The following DNAH17 variants were observed in gnomAD, a reference collection of about 807,000 sequenced individuals.
DNAH17 encodes dynein axonemal heavy chain 17.
In DNAH17, 376 loss-of-function variants were observed where a neutral mutation model predicts 485.6. The ratio of observed to expected loss-of-function variants is 0.77; its 90% confidence interval spans 0.71 to 0.84. DNAH17 has a LOEUF of 0.84. Among genes scored for constraint, DNAH17 ranks in the 40% least tolerant of loss-of-function variants. The pLI, the probability that DNAH17 is intolerant of heterozygous loss-of-function variation, is 0.00. For synonymous variants in DNAH17, 3,031 were observed against 2,405.9 expected (o/e 1.26, Z -7.60); for missense variants, 6,370 against 5,839.3 (o/e 1.09, Z -2.96).
intron 63 of DNAH17, among the ~76,000 whole-genome samples, chr17:78,455,356 C>T (rs1324307339): frequency 2.0e-5 from 3 of 151,536 alleles, no homozygotes; most frequent in East Asian, 1.9e-4. Flanking sequence ...GATGGGGTCT[C>T]GCTGTGTCGT....
chr17:78,428,909 C>A (rs1347719333), intron 76 of DNAH17, among the ~76,000 whole-genome samples: 1 of 128,332 alleles, frequency 7.8e-6, no homozygotes, highest in African/African-American at 3.0e-5. Flanking sequence ...TTCCCTGAGG[C>A]TGCATTTCTT....
At chr17:78,472,639 G>C (rs747050281) in intron 54 of DNAH17, 5 of 439,474 alleles carry the variant, frequency 1.1e-5, no homozygotes, top group South Asian at 6.4e-5. Context: ...TGTGGGGTGT[G>C]GGGAGGGGAG....
In DNAH17 at chr17:78,485,017, C is replaced by T. The variant is rs752433570; in HGVS notation, c.7500G>A (p.Pro2500=). The change falls in exon 48 of 81, where the codon CCG becomes CCA. Residue 2500 remains proline, a synonymous_variant. Transcript: ENST00000389840. ...SAMLQGVLEK[P]LEKKSGRNYG... ...AGTTCCTCCCCGATTTCTTCTCCAG[C>T]GGCTTCTCCAGCACCCCTAGAGAGG... is the stretch of plus-strand genomic sequence containing the variant. 3 of 1,610,788 alleles carry T rather than the reference C, an allele frequency of 1.9e-6. No homozygotes were observed. The highest frequency in any genetic ancestry group is 2.5e-6 in the Non-Finnish European group (3 of 1,178,332).
rs200916759 is a variant in DNAH17 at position 78,475,726 on chromosome 17, G to C, written c.8262C>G (p.Asn2754Lys). 791 of 1,613,876 alleles carry C rather than the reference G, an allele frequency of 4.9e-4. 9 individuals are homozygous for C. The highest frequency in any genetic ancestry group is 4.4e-3 in the South Asian group (398 of 91,068). ...TGTCCAGGACGTCCACGAGGAGCTT[G>C]TTCAGAGGAGCCATGTCGGTTACAG... ...YVPVTDMAPL[N>K]KLLVDVLDSY... Residue 2754 changes from asparagine to lysine, a missense_variant, in exon 53 of 81, where the codon AAC (asparagine) becomes AAG (lysine). Asn to Lys is a moderately conservative substitution (Grantham distance 94). Coordinates refer to ENST00000389840, the MANE Select transcript of DNAH17 (RefSeq NM_173628.4).
At position 78,448,777 on chromosome 17, in the gene DNAH17, G is replaced by A. The variant is rs531702964; in HGVS notation, c.11211+637C>T. Among the ~76,000 whole-genome samples, 7 of 152,278 alleles carry A rather than the reference G, an allele frequency of 4.6e-5. No homozygotes were observed. In the South Asian group the frequency reaches 1.2e-3, roughly 27 times the overall value. On this transcript the variant is annotated intron_variant, in intron 69 of 80. Transcript: ENST00000389840. ...GTTTGTTACACAAGGAGTTTGGCCC[G>A]TTTTGTGCTCTCTCTCGCCCTCTAG...
rs372509281 is a variant in DNAH17, at chr17:78,560,890, G to C, written c.1881C>G (p.Asp627Glu). Reference sequence around the variant, plus strand: ...GGCACCTCAGCAGCTCCATCATCTCGTCATACTTCTGATAGGTCAGCTTGG... The same window carrying C: ...GGCACCTCAGCAGCTCCATCATCTCCTCATACTTCTGATAGGTCAGCTTGG... ...AEAKLTYQKY[D>E]EMMELLRCHR... Residue 627 changes from aspartate to glutamate, a missense_variant, in exon 13 of 81, where the codon GAC becomes GAG. Coordinates refer to ENST00000389840, the MANE Select transcript of DNAH17 (RefSeq NM_173628.4). 2 of 1,551,442 alleles carry C rather than the reference G, an allele frequency of 1.3e-6. No homozygotes were observed. Among genetic ancestry groups the C allele is most frequent in the East Asian group, 2.4e-5 (1 of 40,906 alleles).
chr17:78,487,984 T>C (rs1240159282), intron 44 of DNAH17, among the ~76,000 whole-genome samples: 2 of 152,166 alleles, frequency 1.3e-5, no homozygotes, highest in African/African-American at 4.8e-5. Flanking sequence ...CGAATCAGGG[T>C]GTCTCCATGC....
intron 54 of DNAH17, chr17:78,472,708 C>T: frequency 2.2e-6 from 1 of 455,218 alleles, no homozygotes; most frequent in Non-Finnish European, 4.4e-6. Context: ...CGAGGTCACG[C>T]ACGCTGTCTC....
intron 69 of DNAH17, among the ~76,000 whole-genome samples, chr17:78,447,511 C>T (rs2087360279): frequency 6.6e-6 from 1 of 152,232 alleles, no homozygotes; most frequent in South Asian, 2.1e-4. Flanking sequence ...CCACTGCCAT[C>T]TCCTCAGTCA....
chr17:78,439,091 T>C lies in DNAH17; in HGVS notation c.11804A>G (p.Gln3935Arg). The C allele has an allele frequency of 6.2e-7, 1 of 1,613,114 alleles. No homozygotes were observed. The highest frequency in any genetic ancestry group is 8.5e-7 in the Non-Finnish European group (1 of 1,179,682). Residue 3935 changes from glutamine (Q) to arginine (R), a missense_variant and splice_region_variant, in exon 73 of 81, where the codon CAG becomes CGG. Physicochemically the swap from Gln to Arg is conservative, Grantham distance 43. Coordinates refer to ENST00000389840, the MANE Select transcript of DNAH17 (RefSeq NM_173628.4). Reference sequence around the variant, plus strand: ...CCTGCAGTGCTGGCCCCCTCGTACCTGCAGAATGACCCAGTGTCCTTTCTC... The same window carrying C: ...CCTGCAGTGCTGGCCCCCTCGTACCCGCAGAATGACCCAGTGTCCTTTCTC... ...AAEKGHWVILQNIHLVARWLG... is the reference protein window; with the variant it reads ...AAEKGHWVILRNIHLVARWLG...
At position 78,491,514 on chromosome 17, in the gene DNAH17, AC is replaced by A; in HGVS notation, c.6597del (p.Lys2199AsnfsTer9). On this transcript the variant is annotated frameshift_variant, in exon 43 of 81. Transcript: ENST00000389840. LOFTEE classifies it high-confidence loss of function. ...DLANITHDGP[K>X]WIILDGDIDP... is the part of the protein sequence containing the mutation. Reference sequence around the variant, plus strand: ...TCTATGTCTCCGTCAAGGATGATCCACTTGGGGCCGTCATGGGTGATGTTGG... The same window carrying A: ...TCTATGTCTCCGTCAAGGATGATCCATTGGGGCCGTCATGGGTGATGTTGG... The A allele has an allele frequency of 6.2e-7, 1 of 1,613,926 alleles. No individual in the cohort carries two copies. Among genetic ancestry groups the A allele is most frequent in the Non-Finnish European group, 8.5e-7 (1 of 1,179,946 alleles).
intron 31 of DNAH17, among the ~76,000 whole-genome samples, chr17:78,504,382 T>C (rs1333421792): frequency 1.3e-5 from 2 of 152,002 alleles, no homozygotes; most frequent in Admixed American, 6.6e-5. Context: ...TCCTTTTAAC[T>C]GGAAACACAG....
At chr17:78,458,767 C>T (rs570630784) in intron 61 of DNAH17, 87 bp from the exon 62 acceptor site, 39 of 1,288,392 alleles carry the variant, frequency 3.0e-5, no homozygotes, top group Admixed American at 3.0e-4. Context: ...GCCCTGTGAG[C>T]GCTGAGCGTG....
In DNAH17 at chr17:78,467,010, T is replaced by C. The variant is rs139658447; in HGVS notation, c.8779-194A>G. Among the ~76,000 whole-genome samples, 1,150 of 152,328 alleles carry C rather than the reference T, an allele frequency of 7.5e-3. 22 individuals are homozygous for C. The highest frequency in any genetic ancestry group is 0.025 in the African/African-American group (1,041 of 41,572). On this transcript the variant is annotated intron_variant, in intron 55 of 80. Coordinates refer to ENST00000389840, the MANE Select transcript of DNAH17 (RefSeq NM_173628.4). ...TGCCGTGGATAAATGCTCATCTGGC[T>C]TCATGCCTCTCGCTAGCAGTCCCAA...
chr17:78,432,715 C>T (rs2086718644), intron 75 of DNAH17, among the ~76,000 whole-genome samples: 1 of 152,176 alleles, frequency 6.6e-6, no homozygotes, highest in African/African-American at 2.4e-5. Flanking sequence ...CTTAGTGGCC[C>T]AGGTCTTGAG....
intron 10 of DNAH17, 98 bp downstream of exon 10, chr17:78,566,901 C>G: frequency 2.1e-6 from 3 of 1,434,228 alleles, no homozygotes; most frequent in Non-Finnish European, 2.8e-6. Flanking sequence ...CTGGCACCTG[C>G]TTCCTCCGTG....
intron 61 of DNAH17, 42 bp downstream of exon 61, chr17:78,458,959 G>T (rs111699326): frequency 6.3e-7 from 1 of 1,599,624 alleles, no homozygotes; most frequent in African/African-American, 1.3e-5. Flanking sequence ...GCGAGCAAGC[G>T]GCTCTGGTGT....
At chr17:78,425,232 G>T in intron 80 of DNAH17, 114 bp downstream of exon 80, 1 of 1,059,830 alleles carries the variant, frequency 9.4e-7, no homozygotes, top group Non-Finnish European at 1.4e-6. Flanking sequence ...CCTCTCTCCT[G>T]CCTGTCCCCA....
chr17:78,490,712 G>A lies in DNAH17; in HGVS notation c.6805C>T (p.Leu2269=), dbSNP rs769089123. ...AGCCCCACTCACGGGTTCCATCCCA[G>A]GTCGGCTGGGTTGATGTAGAGGATG... The part of the protein sequence containing the change: ...AGILYINPAD[L]GWNPVVSSWI... The change falls in exon 44 of 81, where the codon CTG becomes TTG. Residue 2269 remains leucine, a synonymous_variant. Coordinates refer to ENST00000389840, the MANE Select transcript of DNAH17 (RefSeq NM_173628.4). The A allele has an allele frequency of 3.7e-6, 6 of 1,607,750 alleles. No individual in the cohort carries two copies. The highest frequency in any genetic ancestry group is 4.2e-6 in the Non-Finnish European group (5 of 1,176,984).
Sources: allele counts gnomAD v4.1 joint callset (sites outside exome capture counted in the v4.1 genomes callset), GRCh38; gene constraint gnomAD v4.1.1; transcripts MANE v1.5; gene names NCBI Gene and HGNC (gene_info 2026-07-23, HGNC 2026-07-21).